BCL11A: variants seen among roughly 807,000 people sequenced by gnomAD.
BCL11A encodes the protein B cell CLL/lymphoma 11A.
A neutral mutation model predicts 55.9 loss-of-function variants in BCL11A; 2 were observed. The observed-to-expected ratio is 0.04, with a 90% confidence interval of 0.01 to 0.11. The LOEUF is 0.11. Ranked by LOEUF, BCL11A falls within the 10% of genes least tolerant of loss-of-function variation. The pLI is 1.00. For missense variants in BCL11A, 817 were observed against 1,137.1 expected (o/e 0.72, Z 4.05); for synonymous variants, 465 against 473.4 (o/e 0.98, Z 0.23).
At chr2:60,515,359 C>G (rs1373791264) in intron 2 of BCL11A, among the ~76,000 whole-genome samples, 2 of 152,182 alleles carry the variant, frequency 1.3e-5, no homozygotes, top group African/African-American at 4.8e-5. Flanking sequence ...GCAGCGTGAG[C>G]AAAGTACAGA....
At chr2:60,526,073 A>G (rs1573059143) in intron 2 of BCL11A, 1 of 152,196 alleles carries the variant, frequency 6.6e-6, no homozygotes, top group Non-Finnish European at 1.5e-5. Context: ...TTTTCTAACC[A>G]CAGTAGGTTT....
intron 2 of BCL11A, among the ~76,000 whole-genome samples, chr2:60,523,284 G>T (rs1190744063): frequency 1.3e-5 from 2 of 152,136 alleles, no homozygotes; most frequent in South Asian, 2.1e-4. Flanking sequence ...TGCCATCCAG[G>T]ATTCCTGCTT....
chr2:60,518,504 G>T (rs776496586), intron 2 of BCL11A, among the ~76,000 whole-genome samples: 16 of 152,282 alleles, frequency 1.1e-4, no homozygotes, highest in Non-Finnish European at 2.2e-4. Context: ...TGAGCAGAAG[G>T]GACCAGGTAA....
At chr2:60,501,447 C>T (rs928656596) in intron 2 of BCL11A, among the ~76,000 whole-genome samples, 1 of 151,142 alleles carries the variant, frequency 6.6e-6, no homozygotes, top group African/African-American at 2.4e-5. Context: ...AGTTCTCTTT[C>T]GGGTGCTTCC....
Position 60,459,575 on chromosome 2 carries a change from A to G in BCL11A, c.*829T>C. 9.7e-7 allele frequency: 1 copy of G among 1,026,300 alleles called. No homozygotes were observed. Among genetic ancestry groups the G allele is most frequent in the Non-Finnish European group, 1.2e-6 (1 of 854,060 alleles). The allele number at this position is 1,026,300 out of a possible 1,614,324, so 63.6% of individuals were successfully genotyped here. ...GTTGTGAGAAATACAATATAGAATT[A>G]TATGCTAGTTCCTAAGGTTTATTAC... is the stretch of plus-strand genomic sequence containing the variant. On this transcript the variant is annotated 3_prime_UTR_variant, in exon 4 of 4. Transcript: ENST00000642384.
intron 2 of BCL11A, among the ~76,000 whole-genome samples, chr2:60,508,379 G>C (rs904107462): frequency 1.3e-5 from 2 of 152,168 alleles, no homozygotes; most frequent in Admixed American, 1.3e-4. Flanking sequence ...GGGGCCACAG[G>C]AGCAAGCACT....
chr2:60,467,138 T>TGGTGGTGGTGGTGGTGG (rs1676687968), intron 3 of BCL11A, among the ~76,000 whole-genome samples: 3 of 61,742 alleles, frequency 4.9e-5, no homozygotes, highest in East Asian at 1.0e-3. Flanking sequence ...GATGGTGGTG[T>TGGTGGTGGTGGTGGTGG]TGGTGGTGAT....
At chr2:60,456,403 G>T (rs1006184243), downstream of BCL11A, among the ~76,000 whole-genome samples, 7 of 152,226 alleles carry the variant, frequency 4.6e-5, no homozygotes, top group African/African-American at 1.4e-4. Flanking sequence ...CTGGTCAGAA[G>T]ATAATTGAAG....
downstream of BCL11A, among the ~76,000 whole-genome samples, chr2:60,456,165 A>G (rs563776262): frequency 1.2e-3 from 188 of 152,336 alleles, no homozygotes; most frequent in African/African-American, 4.2e-3. Context: ...GCACTAGGGC[A>G]TAAGAACTGA....
At chr2:60,488,297 G>A (rs113754158) in intron 2 of BCL11A, among the ~76,000 whole-genome samples, 28 of 152,298 alleles carry the variant, frequency 1.8e-4, no homozygotes, top group African/African-American at 5.3e-4. Flanking sequence ...GAAGAAGACC[G>A]TCTCTTTGGT....
chr2:60,458,122 A>G lies in BCL11A; in HGVS notation c.*2282T>C. The G allele has an allele frequency of 9.7e-7, 1 of 1,030,522 alleles. No individual in the cohort carries two copies. The highest frequency in any genetic ancestry group is 1.2e-6 in the Non-Finnish European group (1 of 856,204). 63.8% of individuals were successfully genotyped at this position (1,030,522 alleles called of 1,614,324 possible). A position where few individuals can be genotyped will look rare whatever the true frequency, so the allele number is the denominator to read the frequency against. On this transcript the variant is annotated 3_prime_UTR_variant, in exon 4 of 4. Transcript: ENST00000642384. Reference sequence around the variant, plus strand: ...AAATACAAGCTTCAATATAAATACTATAGTGCCTAACACTAGATGAACATT... The same window carrying G: ...AAATACAAGCTTCAATATAAATACTGTAGTGCCTAACACTAGATGAACATT...
chr2:60,520,497 G>A (rs1668929966), intron 2 of BCL11A, among the ~76,000 whole-genome samples: 1 of 152,142 alleles, frequency 6.6e-6, no homozygotes, highest in Admixed American at 6.5e-5. Context: ...ACCCTTCGGT[G>A]GGATAATGTA....
chr2:60,499,818 T>A (rs1251707392), intron 2 of BCL11A: 2 of 152,420 alleles, frequency 1.3e-5, no homozygotes, highest in African/African-American at 4.8e-5. Context: ...TGCCTGGTAC[T>A]CTGCCATCTG....
intron 2 of BCL11A, chr2:60,535,832 G>T: frequency 6.6e-6 from 1 of 152,306 alleles, no homozygotes; most frequent in Non-Finnish European, 1.5e-5. Context: ...AGAAAGTTGT[G>T]GTGTCCACCC....
chr2:60,526,411 T>C (rs535432165), intron 2 of BCL11A: 4 of 152,312 alleles, frequency 2.6e-5, no homozygotes, highest in East Asian at 3.9e-4. Flanking sequence ...ATTTGGGAAG[T>C]GTACATTAAT....
Position 60,460,085 on chromosome 2 carries a change from A to G in BCL11A, c.*319T>C, listed in dbSNP as rs1676148698. Reference sequence around the variant, plus strand: ...ACATACACAACATGTAAATTATTGCACAAGAGAAAGGCTCAAAGTTTGCGT... The same window carrying G: ...ACATACACAACATGTAAATTATTGCGCAAGAGAAAGGCTCAAAGTTTGCGT... On this transcript the variant is annotated 3_prime_UTR_variant, in exon 4 of 4. Transcript: ENST00000642384. 1 of 1,110,858 alleles carries G rather than the reference A, an allele frequency of 9.0e-7. No homozygotes were observed. The highest frequency in any genetic ancestry group is 1.1e-6 in the Non-Finnish European group (1 of 910,392). The allele number at this position is 1,110,858 out of a possible 1,614,324, so 68.8% of individuals were successfully genotyped here. A position where few individuals can be genotyped will look rare whatever the true frequency, so the allele number is the denominator to read the frequency against.
chr2:60,496,287 G>T (rs921935451), intron 2 of BCL11A, among the ~76,000 whole-genome samples: 1 of 152,224 alleles, frequency 6.6e-6, no homozygotes, highest in Non-Finnish European at 1.5e-5. Context: ...TACCACAGAT[G>T]GGGGACAGGG....
At position 60,553,286 on chromosome 2, in the gene BCL11A, G is replaced by GGGCGGC. The variant is rs748538213; in HGVS notation, c.-22_-17dup. On this transcript the variant is annotated 5_prime_UTR_variant, in exon 1 of 4. Transcript: ENST00000642384. ...GGCGAGACATGGTGGGCTGCGGGGC[G>GGGCGGC]GGCGGCGGCGGCGGCGGCGGCGGCG... 8.4e-3 allele frequency: 12,977 copies of GGGCGGC among 1,553,308 alleles called. 37 individuals carry two copies. The highest frequency in any genetic ancestry group is 0.01 in the Non-Finnish European group (11,801 of 1,157,564).
At chr2:60,552,349 C>T (rs1670446564) in intron 1 of BCL11A, among the ~76,000 whole-genome samples, 1 of 152,102 alleles carries the variant, frequency 6.6e-6, no homozygotes, top group South Asian at 2.1e-4. Flanking sequence ...CAGGAGGCAG[C>T]AGTCCGGGCT....
Sources: gnomAD v4.1 joint callset for allele counts (sites outside exome capture counted in the v4.1 genomes callset) on GRCh38, gnomAD v4.1.1 for gene constraint, MANE v1.5 for transcripts, NCBI Gene and HGNC (gene_info 2026-07-23, HGNC 2026-07-21) for gene names.